Variants in GNAQ observed in about 807,000 individuals in gnomAD.
GNAQ encodes G protein subunit alpha q, also known as guanine nucleotide-binding protein G(q) subunit alpha.
Under a neutral mutation model 43.9 loss-of-function variants are expected in GNAQ, and 8 were observed. The ratio of observed to expected loss-of-function variants is 0.18; its 90% CI spans 0.11 to 0.33. The LOEUF (loss-of-function observed/expected upper bound fraction) is 0.33, where lower values mean the gene tolerates loss of function less well. Ranked by LOEUF, GNAQ falls within the 10% of genes least tolerant of loss-of-function variation. The probability of loss-of-function intolerance (pLI) is 1.00; values close to 1 mark genes in which losing one functional copy is unlikely to be tolerated. For synonymous variants in GNAQ, 155 were observed against 170.7 expected (o/e 0.91, Z 0.71); for missense variants, 158 against 450.8 (o/e 0.35, Z 5.88).
intron 1 of GNAQ, among the ~76,000 whole-genome samples, chr9:77,979,033 T>C (rs1359105208): frequency 1.3e-5 from 2 of 151,974 alleles, no homozygotes; most frequent in Non-Finnish European, 2.9e-5. Flanking sequence ...CCAGCCTGAG[T>C]GACAGAGTAA....
chr9:77,769,185 G>A (rs1036804765), intron 5 of GNAQ, among the ~76,000 whole-genome samples: 4 of 152,110 alleles, frequency 2.6e-5, no homozygotes, highest in East Asian at 1.9e-4. Context: ...TGGATTACTT[G>A]AGGTCAGGAG....
intron 2 of GNAQ, among the ~76,000 whole-genome samples, chr9:77,826,130 T>C (rs1000278261): frequency 1.3e-5 from 2 of 152,278 alleles, no homozygotes; most frequent in East Asian, 1.9e-4. Context: ...CCCACTATTG[T>C]CAAGAATAAT....
At chr9:77,798,769 G>A (rs988764219) in intron 3 of GNAQ, among the ~76,000 whole-genome samples, 2 of 152,064 alleles carry the variant, frequency 1.3e-5, no homozygotes, top group Admixed American at 6.5e-5. Flanking sequence ...GACAAGAAAA[G>A]TCTGTACATG....
chr9:77,960,172 T>C (rs1170617847), intron 1 of GNAQ, among the ~76,000 whole-genome samples: 2 of 152,186 alleles, frequency 1.3e-5, no homozygotes, highest in East Asian at 1.9e-4. Context: ...CTCATCTTTC[T>C]TTTATTGTGT....
intron 2 of GNAQ, among the ~76,000 whole-genome samples, chr9:77,905,420 A>T (rs1249579686): frequency 6.6e-6 from 1 of 152,162 alleles, no homozygotes; most frequent in East Asian, 1.9e-4. Context: ...TCTGCATGGT[A>T]ATTAAGCCCC....
rs202142347 is a variant in GNAQ at position 78,013,312 on chromosome 9, CTT to C, written c.136+17786_136+17787del. On this transcript the variant is annotated intron_variant, in intron 1 of 6. Transcript: ENST00000286548. ...ACAATTTTATGTTTTTCTTACAAGA[CTT>C]TTTTTTTTTTTATTATACTTTAAGT... Among the ~76,000 whole-genome samples the C allele has an allele frequency of 1.8e-3, 267 of 146,730 alleles. 2 individuals carry two copies. Among genetic ancestry groups the C allele is most frequent in the African/African-American group, 5.3e-3 (212 of 40,152 alleles).
chr9:77,946,168 CAAG>C (rs1332876205), intron 1 of GNAQ, among the ~76,000 whole-genome samples: 1 of 152,054 alleles, frequency 6.6e-6, no homozygotes, highest in Admixed American at 6.6e-5. Flanking sequence ...GTGGATACTG[CAAG>C]AAGAGAGAAG....
At chr9:78,004,028 AATC>A (rs1421536689) in intron 1 of GNAQ, among the ~76,000 whole-genome samples, 1 of 152,056 alleles carries the variant, frequency 6.6e-6, no homozygotes, top group African/African-American at 2.4e-5. Context: ...AATGTGTATA[AATC>A]ATCACAATTA....
chr9:77,941,947 CAG>C (rs1491427316), intron 1 of GNAQ, among the ~76,000 whole-genome samples: 2 of 135,222 alleles, frequency 1.5e-5, no homozygotes, highest in Admixed American at 7.6e-5. Context: ...CACACACACA[CAG>C]AGTATTATAT....
At chr9:77,904,400 T>C (rs1587399312) in intron 2 of GNAQ, among the ~76,000 whole-genome samples, 1 of 141,170 alleles carries the variant, frequency 7.1e-6, no homozygotes, top group East Asian at 2.3e-4. Flanking sequence ...TGGTACGATC[T>C]TGGCTCACTG....
chr9:77,786,996 C>T (rs372677204), intron 5 of GNAQ, among the ~76,000 whole-genome samples: 1 of 152,034 alleles, frequency 6.6e-6, no homozygotes, highest in Non-Finnish European at 1.5e-5. Flanking sequence ...GAATACTACA[C>T]GACAGTATAA....
chr9:77,796,189 C>T (rs1049989636), intron 4 of GNAQ, among the ~76,000 whole-genome samples: 2 of 152,126 alleles, frequency 1.3e-5, no homozygotes, highest in Non-Finnish European at 2.9e-5. Flanking sequence ...CAAAATGCCA[C>T]CTACTTTGTG....
intron 1 of GNAQ, among the ~76,000 whole-genome samples, chr9:78,008,029 T>C (rs80026303): frequency 1.4e-3 from 215 of 152,286 alleles, no homozygotes; most frequent in African/African-American, 4.9e-3. Flanking sequence ...GCTATAATCA[T>C]CGAGGCTAGA....
chr9:77,784,620 A>C (rs1374751908), intron 5 of GNAQ, among the ~76,000 whole-genome samples: 1 of 152,228 alleles, frequency 6.6e-6, no homozygotes, highest in Non-Finnish European at 1.5e-5. Flanking sequence ...AGATTCCTTA[A>C]GGAGGACATG....
In GNAQ at chr9:77,931,480, A is replaced by G. The variant is rs193259176; in HGVS notation, c.137-9135T>C. Among the ~76,000 whole-genome samples, 48 of 151,986 alleles carry G rather than the reference A, an allele frequency of 3.2e-4. 1 individual carries two copies. Among genetic ancestry groups the G allele is most frequent in the Non-Finnish European group, 5.1e-4 (35 of 67,988 alleles). On this transcript the variant is annotated intron_variant, in intron 1 of 6. Transcript: ENST00000286548. Reference sequence around the variant, plus strand: ...GTGGCAAGCACCTGTGGTCCCAGCTACTCAGGAGGCTGAGGCAGGAGGATG... The same window carrying G: ...GTGGCAAGCACCTGTGGTCCCAGCTGCTCAGGAGGCTGAGGCAGGAGGATG...
intron 1 of GNAQ, 70 bp downstream of exon 1, chr9:78,031,029 AG>A: frequency 8.7e-7 from 1 of 1,146,574 alleles, no homozygotes; most frequent in Non-Finnish European, 1.1e-6. Context: ...CGCCGAAGGC[AG>A]CTGCCCCGCA....
In GNAQ at chr9:77,868,848, G is replaced by A. The variant is rs182283697; in HGVS notation, c.322-53078C>T. Among the ~76,000 whole-genome samples, 223 of 152,196 alleles carry A rather than the reference G, an allele frequency of 1.5e-3. 1 individual carries two copies. The highest frequency in any genetic ancestry group is 2.8e-4 in the Non-Finnish European group (19 of 68,014). ...AAAAGACAACAAAAATCAGCCAGGC[G>A]TGGTGGCGCATGCCTGTAATCCCAG... On this transcript the variant is annotated intron_variant, in intron 2 of 6. Coordinates refer to ENST00000286548, the MANE Select transcript of GNAQ (RefSeq NM_002072.5).
intron 5 of GNAQ, among the ~76,000 whole-genome samples, chr9:77,740,670 G>A (rs1011305626): frequency 6.6e-6 from 1 of 151,900 alleles, no homozygotes; most frequent in East Asian, 1.9e-4. Context: ...TTAATAGTTG[G>A]TTTTCTTTTT....
chr9:78,027,011 G>A (rs1823988082), intron 1 of GNAQ, among the ~76,000 whole-genome samples: 1 of 152,106 alleles, frequency 6.6e-6, no homozygotes. Flanking sequence ...AGATGAGAGG[G>A]TTAAACTAGC....
Sources: allele counts gnomAD v4.1 joint callset (sites outside exome capture counted in the v4.1 genomes callset), GRCh38; gene constraint gnomAD v4.1.1; transcripts MANE v1.5; gene names NCBI Gene and HGNC (gene_info 2026-07-23, HGNC 2026-07-21).